POLR1D: variants seen among roughly 807,000 people sequenced by gnomAD.
POLR1D encodes the protein RNA polymerase I and III subunit D, also known as DNA-directed RNA polymerases I and III subunit RPAC2.
Under a neutral mutation model 10.8 loss-of-function variants are expected in POLR1D, and 8 were observed. That is an observed-to-expected ratio of 0.74 (90% CI 0.43 to 1.33). The LOEUF is 1.33. Ranked by LOEUF, POLR1D falls within the 40% of genes most tolerant of loss-of-function variation. POLR1D has a pLI of 0.01. For missense variants in POLR1D, 152 were observed against 161.7 expected, an observed-to-expected ratio of 0.94 and a Z score of 0.32; for synonymous variants, 54 against 57.2, an observed-to-expected ratio of 0.94 and a Z score of 0.25.
chr13:27,648,302 TC>T (rs1294141570), intron 1 of POLR1D: 2 of 1,004,410 alleles, frequency 2.0e-6, no homozygotes, highest in African/African-American at 3.2e-5. Context: ...TTTCCCAAGA[TC>T]ATGGACCTGG....
At chr13:27,627,007 CTCT>C (rs1490937646), downstream of POLR1D, among the ~76,000 whole-genome samples, 1 of 152,216 alleles carries the variant, frequency 6.6e-6, no homozygotes, top group Non-Finnish European at 1.5e-5. Context: ...CCACTCCCCA[CTCT>C]TCTTTTAGTT....
downstream of POLR1D, among the ~76,000 whole-genome samples, chr13:27,625,908 A>C (rs933144542): frequency 6.6e-6 from 1 of 152,174 alleles, no homozygotes; most frequent in Non-Finnish European, 1.5e-5. Context: ...ACTGCCTAAG[A>C]AGAGTAAACA....
intron 2 of POLR1D, chr13:27,665,603 T>TA: frequency 8.1e-7 from 1 of 1,234,352 alleles, no homozygotes; most frequent in East Asian, 2.3e-5. Flanking sequence ...CAGGATTCTT[T>TA]GGTACTAATC....
At chr13:27,644,204 T>A (rs1956199393) in intron 1 of POLR1D, among the ~76,000 whole-genome samples, 1 of 152,250 alleles carries the variant, frequency 6.6e-6, no homozygotes, top group Non-Finnish European at 1.5e-5. Flanking sequence ...TCCTACTTTA[T>A]TATTTAATTT....
At chr13:27,622,834 TATTC>T in intron 1 of POLR1D, 37 bp from the exon 2 acceptor site, 2 of 1,318,340 alleles carry the variant, frequency 1.5e-6, no homozygotes, top group Non-Finnish European at 2.2e-6. Flanking sequence ...TACAAAACAA[TATTC>T]AGTATGATCT....
intron 2 of POLR1D, among the ~76,000 whole-genome samples, chr13:27,655,532 T>C (rs1484870492): frequency 6.6e-6 from 1 of 152,216 alleles, no homozygotes; most frequent in African/African-American, 2.4e-5. Context: ...TTTTCTTGAT[T>C]AGATTCAGGT....
chr13:27,646,424 T>G (rs1956221052), intron 1 of POLR1D, among the ~76,000 whole-genome samples: 1 of 152,222 alleles, frequency 6.6e-6, no homozygotes, highest in African/African-American at 2.4e-5. Context: ...ATCATTATTC[T>G]AAAGAGCTGG....
downstream of POLR1D, among the ~76,000 whole-genome samples, chr13:27,624,422 A>C (rs1378666397): frequency 6.6e-6 from 1 of 152,144 alleles, no homozygotes; most frequent in Non-Finnish European, 1.5e-5. Flanking sequence ...CAGTCACTCA[A>C]ACCTGACCTC....
intron 2 of POLR1D, among the ~76,000 whole-genome samples, chr13:27,661,333 G>C (rs1235495555): frequency 1.3e-5 from 2 of 152,210 alleles, no homozygotes; most frequent in Non-Finnish European, 2.9e-5. Flanking sequence ...ATCCATTTAT[G>C]TTGTTAGCAC....
At chr13:27,664,913 T>C (rs1229007345) in intron 2 of POLR1D, 1 of 152,238 alleles carries the variant, frequency 6.6e-6, no homozygotes, top group Non-Finnish European at 1.5e-5. Context: ...TTCTCATTTG[T>C]ATAGGGTCAT....
rs556887435 is a variant in POLR1D at position 27,641,582 on chromosome 13, A to G, written c.27-6797A>G. On this transcript the variant is annotated intron_variant, in intron 1 of 2. Coordinates refer to the POLR1D transcript ENST00000399697. ...AAATATTTTTTATTTTGTTATGATG[A>G]AAGCATATTTGTCAAGATAGGAAGA... 1.7e-3 allele frequency among the ~76,000 whole-genome samples: 257 copies of G among 152,346 alleles called. 1 individual carries two copies. Among genetic ancestry groups the G allele is most frequent in the Non-Finnish European group, 3.3e-3 (222 of 68,036 alleles).
At chr13:27,624,844 C>T (rs1019116172), downstream of POLR1D, among the ~76,000 whole-genome samples, 1 of 152,120 alleles carries the variant, frequency 6.6e-6, no homozygotes, top group African/African-American at 2.4e-5. Flanking sequence ...GCCATGATCA[C>T]ACCATTGCAC....
At chr13:27,664,574 G>GT (rs2138577016) in intron 2 of POLR1D, 1 of 152,300 alleles carries the variant, frequency 6.6e-6, no homozygotes, top group South Asian at 2.1e-4. Flanking sequence ...GTATTTTCTT[G>GT]TTTTTCTTCC....
At chr13:27,638,504 A>G (rs1449733716) in intron 1 of POLR1D, among the ~76,000 whole-genome samples, 2 of 152,362 alleles carry the variant, frequency 1.3e-5, no homozygotes, top group East Asian at 3.9e-4. Context: ...CCAAAATCCT[A>G]CACATTCTAG....
At chr13:27,621,720 A>G (rs999309698), upstream of POLR1D, 99 of 288,988 alleles carry the variant, frequency 3.4e-4, no homozygotes, top group Non-Finnish European at 1.3e-4. Flanking sequence ...TCCCGCCGCG[A>G]GTGGCCTCGC....
intron 1 of POLR1D, among the ~76,000 whole-genome samples, chr13:27,645,172 C>G (rs1402710163): frequency 1.3e-5 from 2 of 152,220 alleles, no homozygotes; most frequent in Admixed American, 1.3e-4. Flanking sequence ...AGTGATCAGT[C>G]CTCCTTCATT....
chr13:27,650,066 C>T (rs1457040804), intron 2 of POLR1D: 2 of 398,332 alleles, frequency 5.0e-6, no homozygotes, highest in East Asian at 7.1e-5. Flanking sequence ...AAGATACAAA[C>T]TAAAATCAGC....
chr13:27,621,723 G>A (rs2138513604), upstream of POLR1D: 1 of 298,388 alleles, frequency 3.4e-6, no homozygotes, highest in East Asian at 6.0e-5. Flanking sequence ...CGCCGCGAGT[G>A]GCCTCGCGTG....
chr13:27,647,038 T>C (rs1239572879), intron 1 of POLR1D, among the ~76,000 whole-genome samples: 2 of 152,178 alleles, frequency 1.3e-5, no homozygotes, highest in Admixed American at 1.3e-4. Flanking sequence ...ATGATTAGAT[T>C]TATAGTTCTG....
Sources: allele counts gnomAD v4.1 joint callset (sites outside exome capture counted in the v4.1 genomes callset), GRCh38; gene constraint gnomAD v4.1.1; transcripts MANE v1.5; gene names NCBI Gene and HGNC (gene_info 2026-07-23, HGNC 2026-07-21).